The following SAFB variants were observed in gnomAD, a reference collection of about 807,000 sequenced individuals.
The protein encoded by SAFB is scaffold attachment factor B, also known as scaffold attachment factor B1.
A neutral mutation model predicts 101.6 loss-of-function variants in SAFB; 15 were observed. The observed-to-expected ratio is 0.15, with a 90% confidence interval of 0.10 to 0.23. The LOEUF is 0.23. SAFB is among the 10% of genes least tolerant of loss of function. SAFB has a pLI of 1.00. For synonymous variants in SAFB, 449 were observed against 407.5 expected (o/e 1.10, Z -1.23); for missense variants, 930 against 1,104.1 (o/e 0.84, Z 2.23).
chr19:5,635,296 A>G (rs1396175128), intron 2 of SAFB, among the ~76,000 whole-genome samples: 1 of 152,110 alleles, frequency 6.6e-6, no homozygotes. Flanking sequence ...GAGGTGGATC[A>G]ATACGCAGTA....
chr19:5,624,574 C>G (rs757306375), intron 1 of SAFB, among the ~76,000 whole-genome samples: 1 of 152,156 alleles, frequency 6.6e-6, no homozygotes, highest in Non-Finnish European at 1.5e-5. Flanking sequence ...GCCTGGCCGC[C>G]CACCCCCCAG....
At chr19:5,630,071 A>G (rs898579039) in intron 2 of SAFB, among the ~76,000 whole-genome samples, 1 of 152,222 alleles carries the variant, frequency 6.6e-6, no homozygotes, top group Non-Finnish European at 1.5e-5. Flanking sequence ...AAGCTGTCCC[A>G]GGTTGTACCC....
chr19:5,623,291 G>C lies in SAFB; in HGVS notation c.86G>C (p.Arg29Pro), dbSNP rs1202953985. 1 of 1,613,784 alleles carries C rather than the reference G, an allele frequency of 6.2e-7. No individual in the cohort carries two copies. Among genetic ancestry groups the C allele is most frequent in the Admixed American group, 1.7e-5 (1 of 60,016 alleles). Residue 29 changes from arginine (R) to proline (P), a missense_variant, in exon 1 of 21, where the codon CGG (arginine) becomes CCG (proline). This residue lies in a region of SAFB where 119 missense variants were observed against 171.4 expected (regional missense o/e 0.69). Transcript: ENST00000588852. ...LSSASSETGT[R>P]RLSDLRVIDL... ...TCCGCCTCGTCAGAGACCGGGACGCGGCGCCTCAGCGACCTGCGAGTGATC... is the reference window on the plus strand; with the variant it reads ...TCCGCCTCGTCAGAGACCGGGACGCCGCGCCTCAGCGACCTGCGAGTGATC...
At chr19:5,647,602 T>C (rs1301135369) in intron 5 of SAFB, among the ~76,000 whole-genome samples, 1 of 152,192 alleles carries the variant, frequency 6.6e-6, no homozygotes, top group Non-Finnish European at 1.5e-5. Context: ...TGGGCCCATA[T>C]TCCCTCAGTC....
chr19:5,644,947 C>T (rs1421099148), intron 4 of SAFB, among the ~76,000 whole-genome samples: 1 of 152,214 alleles, frequency 6.6e-6, no homozygotes, highest in Non-Finnish European at 1.5e-5. Flanking sequence ...GGGCGAGCAG[C>T]GGTGGCTGAA....
intron 2 of SAFB, among the ~76,000 whole-genome samples, chr19:5,634,617 G>A (rs1213070210): frequency 6.6e-6 from 1 of 152,036 alleles, no homozygotes; most frequent in African/African-American, 2.4e-5. Flanking sequence ...AAATATTATA[G>A]CACAGAATAA....
chr19:5,642,826 C>T (rs2053752099), intron 4 of SAFB, among the ~76,000 whole-genome samples: 2 of 151,622 alleles, frequency 1.3e-5, no homozygotes, highest in South Asian at 2.1e-4. Flanking sequence ...CCACCAAGCC[C>T]GACTAATTTT....
At chr19:5,659,039 G>A (rs566991813) in intron 14 of SAFB, among the ~76,000 whole-genome samples, 9 of 151,934 alleles carry the variant, frequency 5.9e-5, no homozygotes, top group Non-Finnish European at 7.4e-5. Flanking sequence ...CAGCTACTTG[G>A]GCTGAGGCAG....
Position 5,623,106 on chromosome 19 carries a change from C to T in SAFB, c.-100C>T. On this transcript the variant is annotated 5_prime_UTR_variant, in exon 1 of 21. Coordinates refer to ENST00000588852, the MANE Select transcript of SAFB (RefSeq NM_001201338.2). ...GCAGAAGCGAGGCGCGCTGGGGCGACTGGAGCGGTTCCCTCGCAGGCGGCG... is the reference window on the plus strand; with the variant it reads ...GCAGAAGCGAGGCGCGCTGGGGCGATTGGAGCGGTTCCCTCGCAGGCGGCG... 2 of 1,240,214 alleles carry T rather than the reference C, an allele frequency of 1.6e-6. No homozygotes were observed. The highest frequency in any genetic ancestry group is 5.1e-5 in the East Asian group (2 of 39,298). The allele number at this position is 1,240,214 out of a possible 1,614,324, so 76.8% of individuals were successfully genotyped here. A position where few individuals can be genotyped will look rare whatever the true frequency, so the allele number is the denominator to read the frequency against.
chr19:5,623,847 G>T (rs2053263356), intron 1 of SAFB: 3 of 160,558 alleles, frequency 1.9e-5, no homozygotes, highest in Non-Finnish European at 4.0e-5. Context: ...CCCCAGGGAA[G>T]ATGCTTTGTG....
intron 17 of SAFB, chr19:5,664,910 C>CGGGGGCTAGCAACTAGA (rs2054294316): frequency 5.8e-6 from 1 of 172,660 alleles, no homozygotes; most frequent in African/African-American, 2.4e-5. Context: ...GTGGTCTGTG[C>CGGGGGCTAGCAACTAGA]TCATTCTCTT....
chr19:5,652,488 G>A (rs1328449646), intron 9 of SAFB, among the ~76,000 whole-genome samples: 1 of 152,212 alleles, frequency 6.6e-6, no homozygotes, highest in Non-Finnish European at 1.5e-5. Context: ...GGCATGATGA[G>A]CATGATTACC....
intron 14 of SAFB, among the ~76,000 whole-genome samples, chr19:5,658,028 G>T (rs2054103792): frequency 6.6e-6 from 1 of 151,994 alleles, no homozygotes; most frequent in African/African-American, 2.4e-5. Context: ...TTGAGATGGA[G>T]TCTGTGTCGC....
rs747770255 is a variant in SAFB at position 5,667,669 on chromosome 19, G to A, written c.2558-151G>A. On this transcript the variant is annotated intron_variant, in intron 19 of 20. Coordinates refer to ENST00000588852, the MANE Select transcript of SAFB (RefSeq NM_001201338.2). The surrounding 1 kb of genome is among the most constrained non-coding windows in gnomAD (Gnocchi z 4.0). Reference sequence around the variant, plus strand: ...TCTCTCTGCTGGGAGGAAGCTGGACGTCTATGGTCCCTGTGCCCAGGTGTC... The same window carrying A: ...TCTCTCTGCTGGGAGGAAGCTGGACATCTATGGTCCCTGTGCCCAGGTGTC... 1.2e-5 allele frequency: 9 copies of A among 760,882 alleles called. No homozygotes were observed. Among genetic ancestry groups the A allele is most frequent in the Non-Finnish European group, 1.8e-5 (8 of 454,420 alleles). The allele number at this position is 760,882 out of a possible 1,614,324, so 47.1% of individuals were successfully genotyped here.
At chr19:5,628,409 G>T (rs137908396) in intron 2 of SAFB, among the ~76,000 whole-genome samples, 2,132 of 152,272 alleles carry the variant, frequency 0.014, 54 homozygotes, top group African/African-American at 0.049. Flanking sequence ...TGGGATTGGG[G>T]CCCAAATCTA....
chr19:5,648,074 G>T (rs1407201763), intron 6 of SAFB, 31 bp downstream of exon 6: 1 of 1,581,886 alleles, frequency 6.3e-7, no homozygotes, highest in East Asian at 2.2e-5. Flanking sequence ...TACCAGCGGG[G>T]GTTTGGAACC....
intron 2 of SAFB, among the ~76,000 whole-genome samples, chr19:5,631,254 C>A (rs2053484402): frequency 6.6e-6 from 1 of 152,164 alleles, no homozygotes; most frequent in South Asian, 2.1e-4. Context: ...GTGCGTCTCC[C>A]CTCCCAGCCC....
intron 13 of SAFB, among the ~76,000 whole-genome samples, chr19:5,655,750 T>C (rs1002288441): frequency 6.6e-6 from 1 of 152,194 alleles, no homozygotes; most frequent in Non-Finnish European, 1.5e-5. Context: ...CATAGCCTTT[T>C]ACCCTTGTTC....
intron 14 of SAFB, 29 bp downstream of exon 14, chr19:5,657,376 G>GTT: frequency 1.4e-6 from 2 of 1,467,232 alleles, no homozygotes; most frequent in South Asian, 2.3e-5. Flanking sequence ...ACGGTTTGGT[G>GTT]TTTTTCCTAG....
Sources: gnomAD v4.1 joint callset for allele counts (sites outside exome capture counted in the v4.1 genomes callset) on GRCh38, gnomAD v4.1.1 for gene constraint, gnomAD v4.1.1 regional missense constraint, Gnocchi (gnomAD v3.1) non-coding constraint, MANE v1.5 for transcripts, NCBI Gene and HGNC (gene_info 2026-07-23, HGNC 2026-07-21) for gene names.